The following DCDC1 variants were observed in gnomAD, a reference collection of about 807,000 sequenced individuals.
The protein encoded by DCDC1 is doublecortin domain-containing protein 1.
Under a neutral mutation model 178.3 loss-of-function variants are expected in DCDC1, and 200 were observed. The observed-to-expected ratio is 1.12, with a 90% CI of 1.00 to 1.26. The LOEUF is 1.26. Among genes scored for constraint, DCDC1 ranks in the 50% most tolerant of loss-of-function variants. DCDC1 has a pLI of 0.00. For missense variants in DCDC1, 1,983 were observed against 1,749.2 expected, an observed-to-expected ratio of 1.13 and a Z score of -2.38; for synonymous variants, 690 against 604.8, an observed-to-expected ratio of 1.14 and a Z score of -2.07.
intron 8 of DCDC1, among the ~76,000 whole-genome samples, chr11:31,256,267 A>G (rs1159914206): frequency 1.3e-5 from 2 of 152,182 alleles, no homozygotes; most frequent in East Asian, 1.9e-4. Flanking sequence ...GTGTGAGTTC[A>G]CTGCAAGTAG....
chr11:31,037,917 G>T (rs543387920), intron 20 of DCDC1, among the ~76,000 whole-genome samples: 1 of 152,166 alleles, frequency 6.6e-6, no homozygotes, highest in East Asian at 1.9e-4. Flanking sequence ...AGCAGAAGTA[G>T]AAATTTGGTT....
intron 20 of DCDC1, among the ~76,000 whole-genome samples, chr11:31,060,522 A>T (rs1245102427): frequency 2.0e-5 from 3 of 152,112 alleles, no homozygotes; most frequent in Non-Finnish European, 4.4e-5. Flanking sequence ...CAATATTCTG[A>T]AGTTTATATT....
chr11:31,050,312 G>A (rs1019814871), intron 20 of DCDC1, among the ~76,000 whole-genome samples: 2 of 152,040 alleles, frequency 1.3e-5, no homozygotes, highest in African/African-American at 2.4e-5. Context: ...AGTTACCTGG[G>A]AATCTCACCT....
chr11:31,158,359 T>C (rs1049862662), intron 9 of DCDC1, among the ~76,000 whole-genome samples: 33 of 151,976 alleles, frequency 2.2e-4, no homozygotes, highest in Non-Finnish European at 3.7e-4. Context: ...CCTTGTGATC[T>C]GCCCGCCTCG....
intron 36 of DCDC1, among the ~76,000 whole-genome samples, chr11:30,889,578 C>A (rs889376039): frequency 1.3e-5 from 2 of 152,156 alleles, no homozygotes; most frequent in African/African-American, 4.8e-5. Flanking sequence ...TTCTCACACA[C>A]AGTCCATCCT....
chr11:30,969,189 A>C lies in DCDC1; in HGVS notation c.2592-16621T>G, dbSNP rs555844141. Among the ~76,000 whole-genome samples, 3 of 152,270 alleles carry C rather than the reference A, an allele frequency of 2.0e-5. No individual in the cohort carries two copies. The South Asian group carries it at 6.2e-4, about 32-fold the overall frequency. ...AACATGAATATTACTTTAGAGGCAAAATTAAACTTTGTGGGTATGATTAAG... is the reference window on the plus strand; with the variant it reads ...AACATGAATATTACTTTAGAGGCAACATTAAACTTTGTGGGTATGATTAAG... On this transcript the variant is annotated intron_variant, in intron 20 of 38. Transcript: ENST00000684477.
At position 31,243,529 on chromosome 11, in the gene DCDC1, T is replaced by C. The variant is rs184703735; in HGVS notation, c.1055-1913A>G. Among the ~76,000 whole-genome samples, 6 of 151,884 alleles carry C rather than the reference T, an allele frequency of 4.0e-5. No homozygotes were observed. In the East Asian group the frequency reaches 1.2e-3, roughly 29 times the overall value. On this transcript the variant is annotated intron_variant, in intron 8 of 38. Transcript: ENST00000684477. ...TTATCAGATTCTCTACCTATGCTTG[T>C]CACAAAATAACTTTCAGATTATTTA...
At position 31,171,763 on chromosome 11, in the gene DCDC1, T is replaced by C. The variant is rs571928968; in HGVS notation, c.1222-33979A>G. On this transcript the variant is annotated intron_variant, in intron 9 of 38. Transcript: ENST00000684477. ...CTGGAATGCAGACAGCCTAATATAT[T>C]GGCAAAGAGAATCAGTAACTACTTG... Among the ~76,000 whole-genome samples, 3 of 152,348 alleles carry C rather than the reference T, an allele frequency of 2.0e-5. No homozygotes were observed. The East Asian group carries it at 5.8e-4, about 29-fold the overall frequency.
chr11:30,902,585 T>C (rs1944770706), intron 32 of DCDC1, among the ~76,000 whole-genome samples: 1 of 152,146 alleles, frequency 6.6e-6, no homozygotes. Context: ...AATATGTACA[T>C]TTTATGTAAG....
chr11:31,273,540 G>A (rs181535949), intron 7 of DCDC1, among the ~76,000 whole-genome samples: 137 of 152,234 alleles, frequency 9.0e-4, no homozygotes, highest in African/African-American at 3.2e-3. Context: ...GGACTTCATT[G>A]TCCATATCAG....
At chr11:31,247,004 C>T (rs527406467) in intron 8 of DCDC1, among the ~76,000 whole-genome samples, 9 of 152,016 alleles carry the variant, frequency 5.9e-5, no homozygotes, top group East Asian at 3.9e-4. Flanking sequence ...ATTAAACTGA[C>T]GGCATATTGC....
At chr11:31,042,967 T>C (rs866085746) in intron 20 of DCDC1, among the ~76,000 whole-genome samples, 1 of 152,184 alleles carries the variant, frequency 6.6e-6, no homozygotes, top group Non-Finnish European at 1.5e-5. Context: ...GGGAAATGCT[T>C]CTAGGCGACT....
rs768031235 is a variant in DCDC1 at position 31,064,512 on chromosome 11, C to G, written c.2548G>C (p.Val850Leu). The change falls in exon 20 of 39, where the codon GTG (valine) becomes CTG (leucine). Residue 850 changes from valine (V) to leucine (L), a missense_variant. Val to Leu is a conservative substitution (Grantham distance 32). Transcript: ENST00000684477. ...GGATGTTTCTCTTCCAGTTTCCTCA[C>G]CAGTGCTACTGTCAGCTCCCCCGTC... The part of the protein sequence containing the change: ...EETGELTVAL[V>L]RKLEEKHPKA... The G allele has an allele frequency of 1.3e-6, 1 of 765,906 alleles. No individual in the cohort carries two copies. The highest frequency in any genetic ancestry group is 2.4e-6 in the Non-Finnish European group (1 of 417,530). The allele number at this position is 765,906 out of a possible 1,614,324, so 47.4% of individuals were successfully genotyped here. A position where few individuals can be genotyped will look rare whatever the true frequency, so the allele number is the denominator to read the frequency against.
intron 20 of DCDC1, among the ~76,000 whole-genome samples, chr11:30,999,983 G>A (rs1279810677): frequency 6.6e-6 from 1 of 152,076 alleles, no homozygotes; most frequent in African/African-American, 2.4e-5. Flanking sequence ...CAACCAGAAA[G>A]AAAAGGTCGG....
intron 21 of DCDC1, among the ~76,000 whole-genome samples, chr11:30,951,084 G>A (rs537677172): frequency 6.6e-6 from 1 of 152,136 alleles, no homozygotes; most frequent in African/African-American, 2.4e-5. Flanking sequence ...AGAGTTGATA[G>A]GTGATAATTT....
intron 6 of DCDC1, among the ~76,000 whole-genome samples, chr11:31,302,893 G>A (rs1948207432): frequency 6.6e-6 from 1 of 152,186 alleles, no homozygotes; most frequent in African/African-American, 2.4e-5. Context: ...AACCACTGAA[G>A]TATAGATATA....
chr11:31,090,092 C>T (rs1308860534), intron 17 of DCDC1, among the ~76,000 whole-genome samples: 1 of 152,100 alleles, frequency 6.6e-6, no homozygotes, highest in South Asian at 2.1e-4. Context: ...ACCCAGTCTG[C>T]GTACAGTTCC....
intron 38 of DCDC1, among the ~76,000 whole-genome samples, chr11:30,868,478 T>G (rs902008258): frequency 6.6e-6 from 1 of 152,016 alleles, no homozygotes; most frequent in African/African-American, 2.4e-5. Flanking sequence ...CTTGAACTCC[T>G]GACCTCAGGT....
chr11:31,325,088 A>T (rs914011407), intron 3 of DCDC1, among the ~76,000 whole-genome samples: 4 of 152,152 alleles, frequency 2.6e-5, no homozygotes, highest in African/African-American at 9.7e-5. Context: ...TAATTGGTTG[A>T]AAATCATTAA....
Sources: allele counts gnomAD v4.1 joint callset (sites outside exome capture counted in the v4.1 genomes callset), GRCh38; gene constraint gnomAD v4.1.1; transcripts MANE v1.5; gene names NCBI Gene and HGNC (gene_info 2026-07-23, HGNC 2026-07-21).